Variants in GRIA1 observed in about 807,000 individuals in gnomAD.
The protein encoded by GRIA1 is glutamate receptor 1.
In GRIA1, 31 loss-of-function variants were observed where a neutral mutation model predicts 99.2. That is an observed-to-expected ratio of 0.31 (90% confidence interval 0.23 to 0.42). GRIA1 has a LOEUF of 0.42. Among genes scored for constraint, GRIA1 ranks in the 10% least tolerant of loss-of-function variants. The probability of loss-of-function intolerance (pLI) is 1.00; values close to 1 mark genes in which losing one functional copy is unlikely to be tolerated. For missense variants in GRIA1, 782 were observed against 1,157.5 expected (o/e 0.68, Z 4.71); for synonymous variants, 438 against 432.4 (o/e 1.01, Z -0.16).
intron 5 of GRIA1, among the ~76,000 whole-genome samples, chr5:153,668,686 G>A (rs1755926979): frequency 6.6e-6 from 1 of 152,150 alleles, no homozygotes; most frequent in Non-Finnish European, 1.5e-5. Flanking sequence ...ATGTGGAATA[G>A]GGGGACACTA....
chr5:153,635,377 A>G (rs1172560301), intron 2 of GRIA1, among the ~76,000 whole-genome samples: 1 of 152,184 alleles, frequency 6.6e-6, no homozygotes. Context: ...CTGTAAAGCT[A>G]ATCTCTCCCA....
At chr5:153,603,608 C>A (rs1181690816) in intron 2 of GRIA1, among the ~76,000 whole-genome samples, 2 of 152,012 alleles carry the variant, frequency 1.3e-5, no homozygotes, top group Non-Finnish European at 2.9e-5. Context: ...ATTTTCATAC[C>A]GAATATGTAA....
intron 11 of GRIA1, among the ~76,000 whole-genome samples, chr5:153,727,000 AAAC>A (rs1561805533): frequency 6.6e-6 from 1 of 152,200 alleles, no homozygotes; most frequent in Non-Finnish European, 1.5e-5. Flanking sequence ...AAATATTGGC[AAAC>A]TGAATCCAGC....
In GRIA1 at chr5:153,623,353, C is replaced by T. The variant is rs367990861; in HGVS notation, c.221-23575C>T. Among the ~76,000 whole-genome samples the T allele has an allele frequency of 1.1e-3, 164 of 152,256 alleles. 1 individual carries two copies. The highest frequency in any genetic ancestry group is 1.8e-3 in the Non-Finnish European group (122 of 68,028). ...ACTTAGCACGAGAGGATGAAATCTG[C>T]GGTTGTTTCTTATTCATGTAAGAGT... On this transcript the variant is annotated intron_variant, in intron 2 of 15. Coordinates refer to ENST00000285900, the MANE Select transcript of GRIA1 (RefSeq NM_000827.4).
intron 12 of GRIA1, among the ~76,000 whole-genome samples, 194 bp from the exon 13 acceptor site, chr5:153,769,974 G>A (rs1173508775): frequency 1.3e-5 from 2 of 152,090 alleles, no homozygotes; most frequent in Non-Finnish European, 2.9e-5. Flanking sequence ...TTCTGAATTT[G>A]CAAGATATTT....
rs975533934 is a variant in GRIA1 at position 153,770,132 on chromosome 5, C to A, written c.2023-36C>A. ...TGTGTGCACCGACCCCAATTCCAAGCGCACTTAATTCCAGCTTTGTTTCTG... is the reference window on the plus strand; with the variant it reads ...TGTGTGCACCGACCCCAATTCCAAGAGCACTTAATTCCAGCTTTGTTTCTG... On this transcript the variant is annotated intron_variant, in intron 12 of 15. Coordinates refer to ENST00000285900, the MANE Select transcript of GRIA1 (RefSeq NM_000827.4). The A allele has an allele frequency of 6.8e-6, 11 of 1,606,788 alleles. No homozygotes were observed. The African/African-American group carries it at 1.3e-4, about 20-fold the overall frequency.
At chr5:153,798,339 C>T (rs1765779026) in intron 14 of GRIA1, among the ~76,000 whole-genome samples, 2 of 152,138 alleles carry the variant, frequency 1.3e-5, no homozygotes, top group Admixed American at 1.3e-4. Context: ...TGAGAAAGCA[C>T]AAAAGAAAGC....
chr5:153,716,137 C>G (rs1470781843), intron 11 of GRIA1, among the ~76,000 whole-genome samples: 3 of 152,252 alleles, frequency 2.0e-5, no homozygotes, highest in African/African-American at 7.2e-5. Context: ...GTTGTACCTA[C>G]TATGTGTCAG....
intron 10 of GRIA1, 131 bp downstream of exon 10, chr5:153,699,204 AGATGAG>A: frequency 1.5e-6 from 1 of 689,054 alleles, no homozygotes; most frequent in Non-Finnish European, 2.6e-6. Context: ...GCTGCTGAAC[AGATGAG>A]TCATCCAAAA....
chr5:153,531,240 G>A (rs1244272678), intron 2 of GRIA1, among the ~76,000 whole-genome samples: 1 of 152,152 alleles, frequency 6.6e-6, no homozygotes, highest in Non-Finnish European at 1.5e-5. Context: ...GGGAGGTGGT[G>A]AGCCCTAGAG....
At chr5:153,703,981 T>G (rs949185424) in intron 10 of GRIA1, among the ~76,000 whole-genome samples, 1 of 152,246 alleles carries the variant, frequency 6.6e-6, no homozygotes, top group Admixed American at 6.5e-5. Flanking sequence ...TGTACTGTCT[T>G]GTATTTGTAA....
chr5:153,782,699 G>A (rs974513530), intron 13 of GRIA1, among the ~76,000 whole-genome samples: 49 of 152,144 alleles, frequency 3.2e-4, no homozygotes, highest in African/African-American at 1.1e-3. Context: ...CAGGGTGAAA[G>A]CTCTAGAAAG....
chr5:153,711,226 T>C (rs2149527410), intron 11 of GRIA1, among the ~76,000 whole-genome samples: 1 of 152,286 alleles, frequency 6.6e-6, no homozygotes, highest in Non-Finnish European at 1.5e-5. Context: ...TTGATTTGCA[T>C]GCTAAAATAC....
intron 4 of GRIA1, among the ~76,000 whole-genome samples, chr5:153,653,312 G>T (rs985887216): frequency 6.6e-6 from 1 of 152,166 alleles, no homozygotes; most frequent in Non-Finnish European, 1.5e-5. Flanking sequence ...AGGCCCAGAG[G>T]GCATGTGAGG....
intron 13 of GRIA1, among the ~76,000 whole-genome samples, chr5:153,784,974 G>A (rs1055828046): frequency 4.6e-5 from 7 of 152,080 alleles, no homozygotes; most frequent in Non-Finnish European, 7.4e-5. Context: ...CCCACTCCCA[G>A]CAAAAGAACC....
chr5:153,805,022 G>C (rs1461264188), intron 15 of GRIA1, among the ~76,000 whole-genome samples: 1 of 152,098 alleles, frequency 6.6e-6, no homozygotes, highest in Non-Finnish European at 1.5e-5. Flanking sequence ...AAAGTGCTGG[G>C]ATTACAGGCG....
At chr5:153,756,451 G>C (rs1561834220) in intron 11 of GRIA1, among the ~76,000 whole-genome samples, 1 of 152,172 alleles carries the variant, frequency 6.6e-6, no homozygotes, top group Non-Finnish European at 1.5e-5. Flanking sequence ...ACAGGAAACT[G>C]CTGGGAAGCA....
intron 11 of GRIA1, among the ~76,000 whole-genome samples, chr5:153,751,909 A>G (rs1473968836): frequency 6.6e-6 from 1 of 152,190 alleles, no homozygotes; most frequent in Non-Finnish European, 1.5e-5. Context: ...ATTTACCCAG[A>G]AGGCGTGAAC....
chr5:153,801,253 A>C (rs570677410), intron 14 of GRIA1, among the ~76,000 whole-genome samples: 1 of 150,426 alleles, frequency 6.6e-6, no homozygotes. Flanking sequence ...ACTGGAGGTG[A>C]CAGAACTCAG....
Sources: gnomAD v4.1 joint callset for allele counts (sites outside exome capture counted in the v4.1 genomes callset) on GRCh38, gnomAD v4.1.1 for gene constraint, MANE v1.5 for transcripts, NCBI Gene and HGNC (gene_info 2026-07-23, HGNC 2026-07-21) for gene names.